The following HTT variants were observed in gnomAD, a reference collection of about 807,000 sequenced individuals.
The protein encoded by HTT is huntingtin, also known as huntington disease protein.
In HTT, 104 loss-of-function variants were observed where a neutral mutation model predicts 362.3. The ratio of observed to expected loss-of-function variants is 0.29; its 90% CI spans 0.24 to 0.34. The LOEUF (loss-of-function observed/expected upper bound fraction) is 0.34. Among genes scored for constraint, HTT ranks in the 10% least tolerant of loss-of-function variants. The probability of loss-of-function intolerance (pLI) is 1.00; values close to 1 mark genes in which losing one functional copy is unlikely to be tolerated. For synonymous variants in HTT, 1,577 were observed against 1,548.7 expected (o/e 1.02, Z -0.43); for missense variants, 3,301 against 3,928.6 (o/e 0.84, Z 4.27).
intron 46 of HTT, 118 bp downstream of exon 46, chr4:3,209,029 T>G: frequency 8.8e-7 from 1 of 1,141,424 alleles, no homozygotes; most frequent in Non-Finnish European, 1.2e-6. Context: ...GGCGCTCGGC[T>G]CGGCTCAGTG....
chr4:3,230,432 T>C (rs537982825), intron 60 of HTT, among the ~76,000 whole-genome samples: 50 of 152,286 alleles, frequency 3.3e-4, no homozygotes, highest in Non-Finnish European at 5.7e-4. Context: ...CCCTTCTCAG[T>C]TATGTTCCAG....
chr4:3,089,237 C>T (rs1044651452), intron 2 of HTT, among the ~76,000 whole-genome samples: 2 of 152,140 alleles, frequency 1.3e-5, no homozygotes, highest in Non-Finnish European at 2.9e-5. Context: ...TGCCCATCAT[C>T]CAAAGCTATA....
rs552391779 is a variant in HTT at position 3,206,993 on chromosome 4, A to C, written c.6075+10A>C. ...GGCTGCAAATTTACAGGTATTGGGAAGAGAAACCCTGATATTGATTTATAT... is the reference window on the plus strand; with the variant it reads ...GGCTGCAAATTTACAGGTATTGGGACGAGAAACCCTGATATTGATTTATAT... On this transcript the variant is annotated intron_variant, in intron 44 of 66. Transcript: ENST00000355072. The surrounding 1 kb of genome is among the most constrained non-coding windows in gnomAD (Gnocchi z 4.6). The C allele has an allele frequency of 1.7e-4, 278 of 1,598,588 alleles. 4 individuals carry two copies. The South Asian group carries it at 2.8e-3, about 16-fold the overall frequency.
chr4:3,087,245 C>T (rs1157989795), intron 2 of HTT, among the ~76,000 whole-genome samples: 1 of 152,112 alleles, frequency 6.6e-6, no homozygotes, highest in Non-Finnish European at 1.5e-5. Context: ...AAATTAAAAC[C>T]ATTATGGTAA....
At chr4:3,187,998 G>C in intron 39 of HTT, 112 bp downstream of exon 39, 3 of 654,618 alleles carry the variant, frequency 4.6e-6, no homozygotes, top group Non-Finnish European at 8.0e-6. Flanking sequence ...TTCTGAGTTG[G>C]GTAAAGAAGT....
At chr4:3,139,026 A>G (rs1716214434) in intron 21 of HTT, among the ~76,000 whole-genome samples, 1 of 152,262 alleles carries the variant, frequency 6.6e-6, no homozygotes, top group Admixed American at 6.5e-5. Flanking sequence ...ACTACTGAAA[A>G]GAAAACCAAA....
chr4:3,230,720 C>T (rs1357309074), intron 60 of HTT, among the ~76,000 whole-genome samples: 2 of 152,152 alleles, frequency 1.3e-5, no homozygotes, highest in Non-Finnish European at 2.9e-5. Context: ...TAGATGGCAT[C>T]TTCTGGCTGG....
intron 47 of HTT, 34 bp downstream of exon 47, chr4:3,209,983 A>C: frequency 3.7e-6 from 6 of 1,608,094 alleles, no homozygotes; most frequent in African/African-American, 1.3e-5. Context: ...AGGAATCCTC[A>C]GCTTTTCTTG....
intron 47 of HTT, among the ~76,000 whole-genome samples, 162 bp downstream of exon 47, chr4:3,210,111 G>A (rs559757971): frequency 3.3e-5 from 5 of 152,162 alleles, no homozygotes; most frequent in Admixed American, 6.5e-5. Context: ...GAATGGGGCC[G>A]GGAAGTGGGG....
intron 29 of HTT, among the ~76,000 whole-genome samples, chr4:3,170,167 T>G (rs886454449): frequency 6.6e-6 from 1 of 152,204 alleles, no homozygotes. Flanking sequence ...TGCTATATAT[T>G]TTTGTGTTCC....
intron 53 of HTT, 117 bp downstream of exon 53, chr4:3,220,425 A>C: frequency 9.3e-7 from 1 of 1,077,046 alleles, no homozygotes; most frequent in Non-Finnish European, 1.4e-6. Flanking sequence ...AAGCATGATA[A>C]TAATACAAAC....
chr4:3,206,651 G>A lies in HTT; in HGVS notation c.5874G>A (p.Gln1958=). The stretch of plus-strand genomic sequence containing the variant: ...GCGGCCTGTTCATCCAGGCAATTCA[G>A]TCTCGTTGTGAAAACCTTTCAACTG... The part of the protein sequence containing the change: ...AASGLFIQAI[Q]SRCENLSTPT... Residue 1958 remains glutamine, a synonymous_variant, in exon 43 of 67, where the codon CAG becomes CAA. Transcript: ENST00000355072. The surrounding 1 kb of genome is among the most constrained non-coding windows in gnomAD (Gnocchi z 4.6). The A allele has an allele frequency of 6.2e-7, 1 of 1,614,192 alleles. No individual in the cohort carries two copies. The highest frequency in any genetic ancestry group is 8.5e-7 in the Non-Finnish European group (1 of 1,180,040).
intron 1 of HTT, among the ~76,000 whole-genome samples, chr4:3,079,088 G>A (rs545865545): frequency 2.6e-5 from 4 of 152,032 alleles, no homozygotes; most frequent in East Asian, 1.9e-4. Flanking sequence ...TAGAGATGGG[G>A]TTTTGCCATG....
chr4:3,107,222 A>G, intron 5 of HTT, 63 bp from the exon 6 acceptor site: 1 of 1,569,008 alleles, frequency 6.4e-7, no homozygotes, highest in East Asian at 2.3e-5. Flanking sequence ...ACAGGGAATG[A>G]ATTGCTTCTG....
intron 6 of HTT, among the ~76,000 whole-genome samples, chr4:3,111,885 C>T (rs1393330176): frequency 6.6e-6 from 1 of 152,144 alleles, no homozygotes; most frequent in Admixed American, 6.5e-5. Context: ...TATGTGGCGC[C>T]TCCAAAGCCC....
intron 2 of HTT, among the ~76,000 whole-genome samples, chr4:3,093,733 T>C (rs1388198872): frequency 6.6e-6 from 1 of 151,820 alleles, no homozygotes; most frequent in Non-Finnish European, 1.5e-5. Context: ...GATTTGAAGG[T>C]GCTGGCCTTG....
chr4:3,177,849 C>A (rs1371462304), intron 34 of HTT, among the ~76,000 whole-genome samples: 2 of 152,110 alleles, frequency 1.3e-5, no homozygotes, highest in Non-Finnish European at 2.9e-5. Flanking sequence ...TCTTTTAGTA[C>A]CTAAAATGCT....
chr4:3,132,878 T>C lies in HTT; in HGVS notation c.2460T>C (p.Ser820=). 1.2e-6 allele frequency: 2 copies of C among 1,614,018 alleles called. No individual in the cohort carries two copies. Among genetic ancestry groups the C allele is most frequent in the South Asian group, 1.1e-5 (1 of 91,078 alleles). Residue 820 remains serine (S), a synonymous_variant, in exon 18 of 67, where the codon TCT becomes TCC. Transcript: ENST00000355072. ...GGAAAACACTGAAGGATGAGTCTTC[T>C]GTTACTTGCAAGTTAGCTTGTACAG... is the stretch of plus-strand genomic sequence containing the variant. ...LLRKTLKDES[S]VTCKLACTAV... is the part of the protein sequence containing the mutation.
Position 3,156,144 on chromosome 4 carries a change from G to A in HTT, c.3626-928G>A, listed in dbSNP as rs116741804. On this transcript the variant is annotated intron_variant, in intron 27 of 66. Transcript: ENST00000355072. ...CCAACACATTCAAGGTTTTTTTTGA[G>A]ATGGAGTCTTCTTCACCCAGGCTGG... 5.7e-3 allele frequency among the ~76,000 whole-genome samples: 863 copies of A among 152,008 alleles called. 6 individuals are homozygous for A. Among genetic ancestry groups the A allele is most frequent in the African/African-American group, 0.02 (819 of 41,470 alleles).
Sources: allele counts gnomAD v4.1 joint callset (sites outside exome capture counted in the v4.1 genomes callset), GRCh38; gene constraint gnomAD v4.1.1; non-coding constraint Gnocchi (gnomAD v3.1); transcripts MANE v1.5; gene names NCBI Gene and HGNC (gene_info 2026-07-23, HGNC 2026-07-21).